UNC13C: variants seen among roughly 807,000 people sequenced by gnomAD.
UNC13C encodes protein unc-13 homolog C.
In UNC13C, 174 loss-of-function variants were observed where a neutral mutation model predicts 245.4. The observed-to-expected ratio is 0.71, with a 90% CI of 0.63 to 0.80. The LOEUF (loss-of-function observed/expected upper bound fraction) is 0.80, where lower values mean the gene tolerates loss of function less well. Among genes scored for constraint, UNC13C ranks in the 30% least tolerant of loss-of-function variants. The pLI is 0.00. For missense variants in UNC13C, 2,829 were observed against 2,602.9 expected (o/e 1.09, Z -1.89); for synonymous variants, 992 against 895.1 (o/e 1.11, Z -1.93).
At chr15:54,545,481 C>T (rs937850484) in intron 26 of UNC13C, among the ~76,000 whole-genome samples, 3 of 152,060 alleles carry the variant, frequency 2.0e-5, no homozygotes, top group African/African-American at 7.2e-5. Flanking sequence ...TTCTGCACAG[C>T]AAAAGAAACC....
intron 17 of UNC13C, among the ~76,000 whole-genome samples, chr15:54,378,891 A>T (rs1480872629): frequency 6.6e-6 from 1 of 152,032 alleles, no homozygotes; most frequent in Non-Finnish European, 1.5e-5. Context: ...TGAGATGTTA[A>T]AAACCACTTA....
At chr15:54,555,033 T>C (rs1897031071) in intron 28 of UNC13C, among the ~76,000 whole-genome samples, 1 of 152,000 alleles carries the variant, frequency 6.6e-6, no homozygotes, top group Non-Finnish European at 1.5e-5. Context: ...ATAGACTTTA[T>C]CAGTAATAAT....
intron 17 of UNC13C, among the ~76,000 whole-genome samples, chr15:54,384,571 C>T (rs1236804513): frequency 6.6e-6 from 1 of 152,006 alleles, no homozygotes; most frequent in Non-Finnish European, 1.5e-5. Flanking sequence ...GAAAATTCTT[C>T]AGGATATTGG....
the UNC13C span, among the ~76,000 whole-genome samples, chr15:53,941,612 A>G: frequency 2.0e-5 from 3 of 152,166 alleles, no homozygotes; most frequent in Non-Finnish European, 2.9e-5. Flanking sequence ...AAACAATCCC[A>G]TTAAAAAGTA....
Position 54,622,398 on chromosome 15 carries a change from G to A in UNC13C, c.6178G>A (p.Asp2060Asn). The A allele has an allele frequency of 6.2e-7, 1 of 1,613,042 alleles. No homozygotes were observed. Among genetic ancestry groups the A allele is most frequent in the Non-Finnish European group, 8.5e-7 (1 of 1,179,284 alleles). Residue 2060 changes from aspartate to asparagine, a missense_variant, in exon 31 of 33, where the codon GAT (aspartate) becomes AAT (asparagine). Asp to Asn is a conservative substitution (Grantham distance 23, BLOSUM62 1). Coordinates refer to ENST00000260323, the MANE Select transcript of UNC13C (RefSeq NM_001080534.3). Reference sequence around the variant, plus strand: ...CATCACTGCCACCCCAGGAACGGGAGATCATAAAGTCACTGTAAAAGGTAT... The same window carrying A: ...CATCACTGCCACCCCAGGAACGGGAAATCATAAAGTCACTGTAAAAGGTAT... Reference protein sequence around the residue: ...VDITATPGTGDHKVTVKVIAI... With the variant: ...VDITATPGTGNHKVTVKVIAI...
chr15:54,202,923 C>A (rs2034568995), intron 4 of UNC13C, among the ~76,000 whole-genome samples: 1 of 151,876 alleles, frequency 6.6e-6, no homozygotes, highest in Non-Finnish European at 1.5e-5. Flanking sequence ...ATACATCCGA[C>A]AAAGGACTAA....
chr15:53,936,319 C>T, the UNC13C span, among the ~76,000 whole-genome samples: 3 of 152,156 alleles, frequency 2.0e-5, no homozygotes, highest in Non-Finnish European at 1.5e-5. Flanking sequence ...GGTAGGGGCT[C>T]CCTGTGGGAA....
intron 19 of UNC13C, among the ~76,000 whole-genome samples, chr15:54,440,536 C>T (rs1469965062): frequency 6.6e-6 from 1 of 151,936 alleles, no homozygotes; most frequent in African/African-American, 2.4e-5. Context: ...AAATACCACA[C>T]CATCTTTATC....
rs566419511 is a variant in UNC13C, at chr15:54,146,264, T to A, written c.3071+2580T>A. Among the ~76,000 whole-genome samples, 4 of 152,320 alleles carry A rather than the reference T, an allele frequency of 2.6e-5. No individual in the cohort carries two copies. The South Asian group carries it at 8.3e-4, about 32-fold the overall frequency. ...GCAGACTTTTGAAATACGGAGTCAT[T>A]GCTTTTCTATTACAATGCTGCTAAA... On this transcript the variant is annotated intron_variant, in intron 4 of 32. Transcript: ENST00000260323.
intron 8 of UNC13C, among the ~76,000 whole-genome samples, chr15:54,258,814 G>T (rs999283044): frequency 6.6e-6 from 1 of 152,152 alleles, no homozygotes; most frequent in Admixed American, 6.5e-5. Context: ...ATTCCTATCT[G>T]TTTTTCAGAT....
intron 10 of UNC13C, among the ~76,000 whole-genome samples, chr15:54,280,315 T>C (rs2036942665): frequency 6.6e-6 from 1 of 151,930 alleles, no homozygotes; most frequent in Non-Finnish European, 1.5e-5. Context: ...ATGTACCCAA[T>C]GTGTTAAGTT....
chr15:54,109,616 A>G (rs1346746738), intron 2 of UNC13C, among the ~76,000 whole-genome samples: 1 of 152,004 alleles, frequency 6.6e-6, no homozygotes, highest in Non-Finnish European at 1.5e-5. Flanking sequence ...TACTGGGATT[A>G]CAAGCATGAG....
chr15:54,069,276 A>C (rs1053173763), intron 2 of UNC13C, among the ~76,000 whole-genome samples: 1 of 152,168 alleles, frequency 6.6e-6, no homozygotes, highest in African/African-American at 2.4e-5. Flanking sequence ...TACTTGGCTA[A>C]ATCCCTTTTT....
intron 10 of UNC13C, among the ~76,000 whole-genome samples, chr15:54,280,562 A>G (rs1057488990): frequency 6.6e-6 from 1 of 150,614 alleles, no homozygotes; most frequent in African/African-American, 2.4e-5. Flanking sequence ...GGAGAGTTCC[A>G]TATTTCTGAA....
the UNC13C span, among the ~76,000 whole-genome samples, chr15:53,916,588 G>T: frequency 6.6e-6 from 1 of 152,158 alleles, no homozygotes; most frequent in Non-Finnish European, 1.5e-5. Flanking sequence ...GCATCGTCGA[G>T]CACCTAGAAG....
At chr15:54,397,936 T>C (rs2040104953) in intron 18 of UNC13C, among the ~76,000 whole-genome samples, 1 of 151,374 alleles carries the variant, frequency 6.6e-6, no homozygotes, top group Non-Finnish European at 1.5e-5. Context: ...AATTTAGATG[T>C]ATTTTATTAT....
In UNC13C at chr15:54,230,659, T is replaced by C. The variant is rs117447584; in HGVS notation, c.3072-4371T>C. 9.4e-3 allele frequency among the ~76,000 whole-genome samples: 1,435 copies of C among 152,120 alleles called. 8 individuals carry two copies. Among genetic ancestry groups the C allele is most frequent in the Middle Eastern group, 0.048 (14 of 294 alleles). ...ACATCTCAGATTTTATTAAATTCAG[T>C]AAACTCATTTTAATATCATTATGGA... On this transcript the variant is annotated intron_variant, in intron 4 of 32. Coordinates refer to ENST00000260323, the MANE Select transcript of UNC13C (RefSeq NM_001080534.3).
chr15:54,061,259 A>G (rs1897821069), intron 2 of UNC13C, among the ~76,000 whole-genome samples: 1 of 152,152 alleles, frequency 6.6e-6, no homozygotes, highest in African/African-American at 2.4e-5. Flanking sequence ...AGGTACTAAA[A>G]AGGACTAGGA....
chr15:54,103,796 G>A (rs1307690048), intron 2 of UNC13C, among the ~76,000 whole-genome samples: 1 of 152,200 alleles, frequency 6.6e-6, no homozygotes, highest in South Asian at 2.1e-4. Flanking sequence ...TCAGGCTGGA[G>A]TGCAGTGGCG....
Sources: gnomAD v4.1 joint callset for allele counts (sites outside exome capture counted in the v4.1 genomes callset) on GRCh38, gnomAD v4.1.1 for gene constraint, MANE v1.5 for transcripts, NCBI Gene and HGNC (gene_info 2026-07-23, HGNC 2026-07-21) for gene names.